IFT81: variants seen among roughly 807,000 people sequenced by gnomAD.
IFT81 encodes the protein intraflagellar transport 81, also known as intraflagellar transport protein 81 homolog.
In IFT81, 72 loss-of-function variants were observed where a neutral mutation model predicts 102.6. The ratio of observed to expected loss-of-function variants is 0.70; its 90% CI spans 0.58 to 0.85. IFT81 has a LOEUF of 0.85. IFT81 is among the 40% of genes least tolerant of loss of function. The probability of loss-of-function intolerance (pLI) is 0.00; values close to 1 mark genes in which losing one functional copy is unlikely to be tolerated. For synonymous variants in IFT81, 237 were observed against 242.7 expected (o/e 0.98, Z 0.22); for missense variants, 723 against 787.3 (o/e 0.92, Z 0.98).
chr12:110,139,782 C>G (rs953886749), intron 8 of IFT81, among the ~76,000 whole-genome samples: 6 of 127,282 alleles, frequency 4.7e-5, no homozygotes, highest in African/African-American at 1.8e-4. Context: ...TCAAAATAAA[C>G]ACATACATAC....
intron 10 of IFT81, 151 bp from the exon 11 acceptor site, chr12:110,162,768 G>A: frequency 1.7e-6 from 1 of 593,142 alleles, no homozygotes. Flanking sequence ...AATTGGTGAT[G>A]ATGAGTAGTA....
Position 110,209,208 on chromosome 12 carries a change from C to T in IFT81, c.1840C>T (p.Leu614Phe), listed in dbSNP as rs758889147. The T allele has an allele frequency of 7.8e-6, 12 of 1,532,226 alleles. No homozygotes were observed. In the African/African-American group the frequency reaches 1.5e-4, roughly 19 times the overall value. 94.9% of individuals were successfully genotyped at this position (1,532,226 alleles called of 1,614,324 possible). Residue 614 changes from leucine (L) to phenylalanine (F), a missense_variant, in exon 18 of 19, where the codon CTT (leucine) becomes TTT (phenylalanine). Physicochemically the swap from Leu to Phe is conservative, Grantham distance 22. Coordinates refer to ENST00000242591, the MANE Select transcript of IFT81 (RefSeq NM_014055.4). ...CAAAAATACTGCTGAACAAGAAAAC[C>T]TTGGAAAGGTAAGAATTATTATTTA... ...YTKNTAEQENLGKKLREKQKV... is the reference protein window; with the variant it reads ...YTKNTAEQENFGKKLREKQKV...
intron 12 of IFT81, among the ~76,000 whole-genome samples, chr12:110,190,196 T>C (rs1239931050): frequency 1.3e-5 from 2 of 152,146 alleles, no homozygotes; most frequent in Non-Finnish European, 2.9e-5. Flanking sequence ...TTCTTGAGAG[T>C]GCAAGGGACA....
chr12:110,195,226 C>T (rs1207739327), intron 14 of IFT81, among the ~76,000 whole-genome samples: 1 of 152,172 alleles, frequency 6.6e-6, no homozygotes, highest in African/African-American at 2.4e-5. Flanking sequence ...TTCTCTCCCT[C>T]ATGTGTGTGT....
At chr12:110,210,992 A>G (rs1869340748) in intron 18 of IFT81, among the ~76,000 whole-genome samples, 1 of 145,812 alleles carries the variant, frequency 6.9e-6, no homozygotes. Flanking sequence ...AATAGCTGGG[A>G]CTACAGGAGC....
intron 18 of IFT81, among the ~76,000 whole-genome samples, chr12:110,214,438 C>A (rs1189112111): frequency 6.6e-6 from 1 of 152,024 alleles, no homozygotes; most frequent in African/African-American, 2.4e-5. Flanking sequence ...ACAGAACAAA[C>A]CCAGCCTTTC....
At chr12:110,204,024 G>A in intron 15 of IFT81, 74 bp downstream of exon 15, 1 of 911,564 alleles carries the variant, frequency 1.1e-6, no homozygotes, top group Non-Finnish European at 1.7e-6. Context: ...CAGCTACTCT[G>A]GAGGCTGAAG....
chr12:110,177,881 G>C (rs1471164784), intron 11 of IFT81, among the ~76,000 whole-genome samples: 309 of 138,884 alleles, frequency 2.2e-3, no homozygotes, highest in Middle Eastern at 0.02. Context: ...GATCACCTGA[G>C]GTCAGGAGTT....
At chr12:110,177,846 G>A (rs1897104354) in intron 11 of IFT81, among the ~76,000 whole-genome samples, 1 of 152,124 alleles carries the variant, frequency 6.6e-6, no homozygotes, top group Non-Finnish European at 1.5e-5. Context: ...TGTAATCCTA[G>A]CACTTTGGGA....
chr12:110,207,752 A>T (rs566382976), intron 17 of IFT81, among the ~76,000 whole-genome samples: 1 of 151,870 alleles, frequency 6.6e-6, no homozygotes, highest in Admixed American at 6.6e-5. Context: ...TTTAGTAGAG[A>T]CAGGGTTTCA....
At chr12:110,137,291 G>A (rs1299020338) in intron 8 of IFT81, among the ~76,000 whole-genome samples, 3 of 152,178 alleles carry the variant, frequency 2.0e-5, no homozygotes, top group Non-Finnish European at 2.9e-5. Flanking sequence ...AGTGAGCCGA[G>A]ACCGCGCCAC....
intron 12 of IFT81, 88 bp downstream of exon 12, chr12:110,180,659 T>C (rs1897284998): frequency 1.4e-5 from 12 of 885,342 alleles, no homozygotes; most frequent in Non-Finnish European, 2.0e-5. Context: ...TTGTTTTTAC[T>C]GGAAAAATGA....
intron 9 of IFT81, among the ~76,000 whole-genome samples, chr12:110,143,761 AT>A (rs1369541909): frequency 6.6e-6 from 1 of 152,224 alleles, no homozygotes; most frequent in Non-Finnish European, 1.5e-5. Context: ...TAATCAATTG[AT>A]TAGCAAATGA....
chr12:110,191,150 C>T, intron 13 of IFT81, 102 bp downstream of exon 13: 1 of 990,982 alleles, frequency 1.0e-6, no homozygotes, highest in South Asian at 1.8e-5. Context: ...TTAATTTCTG[C>T]ACATTACATT....
intron 10 of IFT81, among the ~76,000 whole-genome samples, chr12:110,148,872 ATTAT>A (rs1357663924): frequency 6.6e-6 from 1 of 152,162 alleles, no homozygotes; most frequent in African/African-American, 2.4e-5. Context: ...TGTTTTTATC[ATTAT>A]TTATCAGTTT....
intron 10 of IFT81, among the ~76,000 whole-genome samples, chr12:110,155,623 T>C (rs1320401866): frequency 6.6e-6 from 1 of 152,190 alleles, no homozygotes; most frequent in East Asian, 1.9e-4. Context: ...GGATCACATG[T>C]TTTTTGTCCA....
rs1172603435 is a variant in IFT81, at chr12:110,129,040, G to C, written c.339G>C (p.Lys113Asn). 1.2e-6 allele frequency: 2 copies of C among 1,607,654 alleles called. No individual in the cohort carries two copies. The highest frequency in any genetic ancestry group is 1.7e-6 in the Non-Finnish European group (2 of 1,178,344). Residue 113 changes from lysine to asparagine, a missense_variant, in exon 4 of 19, where the codon AAG becomes AAC. By Grantham distance (94) the Lys-to-Asn change is moderately conservative. Coordinates refer to ENST00000242591, the MANE Select transcript of IFT81 (RefSeq NM_014055.4). Reference sequence around the variant, plus strand: ...TTCTTCAGAGGACTAATGAACTGAAGAAAAGAGCATATTTAGCTCGTTTTT... The same window carrying C: ...TTCTTCAGAGGACTAATGAACTGAACAAAAGAGCATATTTAGCTCGTTTTT... ...HWLLQRTNEL[K>N]KRAYLARFLI...
chr12:110,205,693 G>C lies in IFT81; in HGVS notation c.1802+13G>C. On this transcript the variant is annotated intron_variant, in intron 17 of 18. Transcript: ENST00000242591. ...GAAAGGCAATTAGGCAAGTGATTTT[G>C]TTGTTTTATATTGAGATACTTAATA... is the stretch of plus-strand genomic sequence containing the variant. The C allele has an allele frequency of 6.5e-7, 1 of 1,538,504 alleles. No homozygotes were observed. The highest frequency in any genetic ancestry group is 1.2e-5 in the South Asian group (1 of 80,696).
rs754187102 is a variant in IFT81, at chr12:110,135,419, A to G, written c.678A>G (p.Lys226=). 6.2e-7 allele frequency: 1 copy of G among 1,606,414 alleles called. No individual in the cohort carries two copies. Residue 226 remains lysine (K), a synonymous_variant, in exon 7 of 19, where the codon AAA becomes AAG. Transcript: ENST00000242591. ...GAGAAGAATATCTTGCACAACAGAAACAGGAACAAAAGAATCAGGTATCCA... is the reference window on the plus strand; with the variant it reads ...GAGAAGAATATCTTGCACAACAGAAGCAGGAACAAAAGAATCAGGTATCCA... ...KEREEYLAQQ[K]QEQKNQLFHA...
Sources: gnomAD v4.1 joint callset for allele counts (sites outside exome capture counted in the v4.1 genomes callset) on GRCh38, gnomAD v4.1.1 for gene constraint, MANE v1.5 for transcripts, NCBI Gene and HGNC (gene_info 2026-07-23, HGNC 2026-07-21) for gene names.